The following SPRTN variants were observed in gnomAD, a reference collection of about 807,000 sequenced individuals.
SPRTN encodes the protein SprT-like N-terminal domain, also known as DNA-dependent metalloprotease SPRTN.
SPRTN carries 11 observed loss-of-function variants against 31.9 expected under a neutral mutation model. The ratio of observed to expected loss-of-function variants is 0.34; its 90% CI spans 0.22 to 0.57. The LOEUF (loss-of-function observed/expected upper bound fraction) is 0.57. Among genes scored for constraint, SPRTN ranks in the 20% least tolerant of loss-of-function variants. SPRTN has a pLI of 0.86. For missense variants in SPRTN, 482 were observed against 590.1 expected (o/e 0.82, Z 1.90); for synonymous variants, 185 against 212.1 (o/e 0.87, Z 1.11).
At chr1:231,350,008 G>A (rs1333802587) in intron 3 of SPRTN, among the ~76,000 whole-genome samples, 4 of 152,122 alleles carry the variant, frequency 2.6e-5, no homozygotes, top group Non-Finnish European at 5.9e-5. Flanking sequence ...GCAAGTCCAT[G>A]TCACAGAACA....
intron 2 of SPRTN, among the ~76,000 whole-genome samples, chr1:231,345,572 G>A (rs898679021): frequency 6.6e-6 from 1 of 152,192 alleles, no homozygotes; most frequent in African/African-American, 2.4e-5. Context: ...GCTGTTATAA[G>A]CAGTGTCACA....
chr1:231,353,583 C>G lies in SPRTN; in HGVS notation c.*222C>G. 2.5e-6 allele frequency: 3 copies of G among 1,204,504 alleles called. No individual in the cohort carries two copies. 74.6% of individuals were successfully genotyped at this position (1,204,504 alleles called of 1,614,324 possible). On this transcript the variant is annotated 3_prime_UTR_variant, in exon 5 of 5. Coordinates refer to ENST00000295050, the MANE Select transcript of SPRTN (RefSeq NM_032018.7). ...ACTCTTGCCTTAGGTATACTGTAAC[C>G]CAGGTTCTGCCTGTCGTGTATAAGT...
At position 231,351,314 on chromosome 1, in the gene SPRTN, CTT is replaced by C; in HGVS notation, c.464_465del (p.Phe155SerfsTer3). 2 of 1,587,710 alleles carry C rather than the reference CTT, an allele frequency of 1.3e-6. No individual in the cohort carries two copies. The highest frequency in any genetic ancestry group is 1.7e-6 in the Non-Finnish European group (2 of 1,163,658). On this transcript the variant is annotated frameshift_variant, in exon 4 of 5. Transcript: ENST00000295050. LOFTEE classifies it high-confidence loss of function. Reference sequence around the variant, plus strand: ...TCTGTCTCCACTCAGGTATACCATACTTTTCACGATGAGGTGGATGAGTATCG... The same window carrying C: ...TCTGTCTCCACTCAGGTATACCATACTTCACGATGAGGTGGATGAGTATCG...
chr1:231,346,448 G>T (rs1257916893), intron 2 of SPRTN, among the ~76,000 whole-genome samples: 1 of 150,696 alleles, frequency 6.6e-6, no homozygotes, highest in Admixed American at 6.6e-5. Context: ...CTCGTGATCC[G>T]GAAGTTGGGC....
intron 4 of SPRTN, 102 bp downstream of exon 4, chr1:231,351,673 GT>G (rs1270474107): frequency 6.6e-7 from 1 of 1,517,892 alleles, no homozygotes; most frequent in Non-Finnish European, 8.8e-7. Context: ...CTTAAGGATC[GT>G]TTCTGGTGTA....
intron 3 of SPRTN, among the ~76,000 whole-genome samples, chr1:231,350,449 T>G (rs1420461175): frequency 6.6e-6 from 1 of 152,096 alleles, no homozygotes; most frequent in Non-Finnish European, 1.5e-5. Flanking sequence ...GGGCTGACCC[T>G]CTTTTCAGTC....
chr1:231,353,205 A>G lies in SPRTN; in HGVS notation c.1314A>G (p.Thr438=). The G allele has an allele frequency of 1.2e-6, 2 of 1,614,058 alleles. No individual in the cohort carries two copies. Among genetic ancestry groups the G allele is most frequent in the Non-Finnish European group, 8.5e-7 (1 of 1,179,980 alleles). Residue 438 remains threonine (T), a synonymous_variant, in exon 5 of 5, where the codon ACA becomes ACG. Coordinates refer to ENST00000295050, the MANE Select transcript of SPRTN (RefSeq NM_032018.7). The part of the protein sequence containing the change: ...KSSGNDPKYS[T]TTAQNSSSSS... ...GTGGTAATGATCCAAAGTATAGTACAACCACAGCTCAGAATTCCAGCAGTT... is the reference window on the plus strand; with the variant it reads ...GTGGTAATGATCCAAAGTATAGTACGACCACAGCTCAGAATTCCAGCAGTT...
In SPRTN at chr1:231,352,786, A is replaced by G. The variant is rs777892814; in HGVS notation, c.895A>G (p.Lys299Glu). Residue 299 changes from lysine to glutamate, a missense_variant, in exon 5 of 5, where the codon AAA becomes GAA. Transcript: ENST00000295050. Reference protein sequence around the residue: ...HSANAVRPNSKIKVKFEQNGS... With the variant: ...HSANAVRPNSEIKVKFEQNGS... ...AGCAAATGCTGTAAGACCTAATTCTAAAATCAAGGTGAAATTTGAACAGAA... is the reference window on the plus strand; with the variant it reads ...AGCAAATGCTGTAAGACCTAATTCTGAAATCAAGGTGAAATTTGAACAGAA... The G allele has an allele frequency of 6.2e-6, 10 of 1,613,752 alleles. No individual in the cohort carries two copies. The highest frequency in any genetic ancestry group is 1.3e-5 in the African/African-American group (1 of 74,918).
chr1:231,341,523 CA>C (rs536081586), intron 2 of SPRTN, among the ~76,000 whole-genome samples: 2 of 151,940 alleles, frequency 1.3e-5, no homozygotes, highest in South Asian at 4.2e-4. Context: ...TAGGGATGTT[CA>C]ACCAGTATTA....
rs138955204 is a variant in SPRTN at position 231,352,710 on chromosome 1, C to A, written c.819C>A (p.Ile273=). Residue 273 remains isoleucine (I), a synonymous_variant, in exon 5 of 5, where the codon ATC becomes ATA. Transcript: ENST00000295050. ...TSNLPSPGKL[I]TSHAINKTQD... ...ATTTACCTTCACCTGGGAAACTGAT[C>A]ACTTCACATGCCATTAATAAAACCC... 1 of 1,614,026 alleles carries A rather than the reference C, an allele frequency of 6.2e-7. No homozygotes were observed. The highest frequency in any genetic ancestry group is 2.2e-5 in the East Asian group (1 of 44,866).
rs1365007401 is a variant in SPRTN, at chr1:231,354,516, A to T, written c.*1155A>T. On this transcript the variant is annotated 3_prime_UTR_variant, in exon 5 of 5. Transcript: ENST00000295050. Reference sequence around the variant, plus strand: ...CAAGTTAGAGAACACTTCCATTGCCACAGAAGGCTTCCTATAGGTGTCTGT... The same window carrying T: ...CAAGTTAGAGAACACTTCCATTGCCTCAGAAGGCTTCCTATAGGTGTCTGT... 1 of 430,108 alleles carries T rather than the reference A, an allele frequency of 2.3e-6. No individual in the cohort carries two copies. The highest frequency in any genetic ancestry group is 2.1e-5 in the African/African-American group (1 of 46,758). The allele number at this position is 430,108 out of a possible 1,614,324, so 26.6% of individuals were successfully genotyped here.
chr1:231,351,970 C>T (rs1045567243), intron 4 of SPRTN: 71 of 1,007,158 alleles, frequency 7.0e-5, no homozygotes, highest in East Asian at 1.0e-4. Flanking sequence ...TAACAATGCC[C>T]GGAATATACG....
intron 1 of SPRTN, 149 bp from the exon 2 acceptor site, chr1:231,339,620 T>G (rs1686801620): frequency 2.3e-6 from 2 of 855,238 alleles, no homozygotes; most frequent in Non-Finnish European, 3.9e-6. Context: ...ACTAATTAAT[T>G]AGGTGAAATG....
Position 231,352,738 on chromosome 1 carries a change from G to A in SPRTN, c.847G>A (p.Asp283Asn). Reference protein sequence around the residue: ...ITSHAINKTQDLLNQNHSANA... With the variant: ...ITSHAINKTQNLLNQNHSANA... ...TTCACATGCCATTAATAAAACCCAA[G>A]ATCTTTTAAATCAAAACCATTCAGC... Residue 283 changes from aspartate to asparagine, a missense_variant, in exon 5 of 5, where the codon GAT (aspartate) becomes AAT (asparagine). By Grantham distance (23) the Asp-to-Asn change is conservative (BLOSUM62 1). This residue lies in a region of SPRTN where 325 missense variants were observed against 350.2 expected (regional missense o/e 0.93). Transcript: ENST00000295050. 6.2e-7 allele frequency: 1 copy of A among 1,614,048 alleles called. No individual in the cohort carries two copies.
At position 231,338,435 on chromosome 1, in the gene SPRTN, C is replaced by G. The variant is rs143523668; in HGVS notation, c.52C>G (p.Gln18Glu). 13 of 1,614,286 alleles carry G rather than the reference C, an allele frequency of 8.1e-6. No individual in the cohort carries two copies. The African/African-American group carries it at 1.1e-4, about 13-fold the overall frequency. ...ALRLQEEWNL[Q>E]EAERDHAQES... ...GCGGCTTCAGGAGGAGTGGAACTTG[C>G]AGGAGGCGGAGCGCGATCATGCCCA... Residue 18 changes from glutamine (Q) to glutamate (E), a missense_variant, in exon 1 of 5, where the codon CAG becomes GAG. Physicochemically the swap from Gln to Glu is conservative, Grantham distance 29. Transcript: ENST00000295050.
intron 2 of SPRTN, among the ~76,000 whole-genome samples, chr1:231,345,209 C>A (rs1687017679): frequency 6.6e-6 from 1 of 151,740 alleles, no homozygotes; most frequent in Non-Finnish European, 1.5e-5. Flanking sequence ...GCAACCTCTG[C>A]CTCCCAGGTT....
At position 231,351,342 on chromosome 1, in the gene SPRTN, GCGA is replaced by G; in HGVS notation, c.491_493del (p.Arg164del). The G allele has an allele frequency of 6.2e-7, 1 of 1,613,388 alleles. No individual in the cohort carries two copies. The highest frequency in any genetic ancestry group is 8.5e-7 in the Non-Finnish European group (1 of 1,179,532). The stretch of plus-strand genomic sequence containing the variant: ...TTCACGATGAGGTGGATGAGTATCG[GCGA>G]CACTGGTGGCGCTGCAATGGGCCGT... On this transcript the variant is annotated inframe_deletion, in exon 4 of 5. Transcript: ENST00000295050.
rs377221472 is a variant in SPRTN, at chr1:231,353,309, A to C, written c.1418A>C (p.Asp473Ala). Residue 473 changes from aspartate (D) to alanine (A), a missense_variant, in exon 5 of 5, where the codon GAC (aspartate) becomes GCC (alanine). Asp to Ala is a moderately radical substitution (Grantham distance 126, BLOSUM62 -2). Transcript: ENST00000295050. The stretch of plus-strand genomic sequence containing the variant: ...GAGTCTCAGATTAATGAGCACTTGG[A>C]CTGGTGCCTTGAAGGTGACAGCATC... ...VLESQINEHL[D>A]WCLEGDSIKV... 1 of 1,602,204 alleles carries C rather than the reference A, an allele frequency of 6.2e-7. No homozygotes were observed. The highest frequency in any genetic ancestry group is 1.3e-5 in the African/African-American group (1 of 74,110).
intron 2 of SPRTN, among the ~76,000 whole-genome samples, chr1:231,343,699 C>G (rs1272615846): frequency 6.6e-6 from 1 of 152,142 alleles, no homozygotes; most frequent in Non-Finnish European, 1.5e-5. Flanking sequence ...TCCCAGGTCT[C>G]ATGCTGTGAT....
Sources: gnomAD v4.1 joint callset for allele counts (sites outside exome capture counted in the v4.1 genomes callset) on GRCh38, gnomAD v4.1.1 for gene constraint, gnomAD v4.1.1 regional missense constraint, MANE v1.5 for transcripts, NCBI Gene and HGNC (gene_info 2026-07-23, HGNC 2026-07-21) for gene names.